Variants in MACROD2 observed in about 807,000 individuals in gnomAD.
MACROD2 encodes ADP-ribose glycohydrolase MACROD2.
In MACROD2, 36 loss-of-function variants were observed where a neutral mutation model predicts 70.4. The observed-to-expected ratio is 0.51, with a 90% confidence interval of 0.39 to 0.68. The LOEUF is 0.68. MACROD2 is among the 30% of genes least tolerant of loss of function. The probability of loss-of-function intolerance (pLI) is 0.00; values close to 1 mark genes in which losing one functional copy is unlikely to be tolerated. For missense variants in MACROD2, 496 were observed against 538.4 expected (o/e 0.92, Z 0.78); for synonymous variants, 172 against 178.8 (o/e 0.96, Z 0.30).
In MACROD2 at chr20:15,927,304, G is replaced by C. The variant is rs73900804; in HGVS notation, c.776-5972G>C. 1.9e-3 allele frequency among the ~76,000 whole-genome samples: 290 copies of C among 152,242 alleles called. 1 individual carries two copies. Among genetic ancestry groups the C allele is most frequent in the African/African-American group, 6.7e-3 (278 of 41,560 alleles). Reference sequence around the variant, plus strand: ...CTTAACAGATAAGGCACTGTGCTGGGTGCCAAGGACACCACAGAAAAAAGA... The same window carrying C: ...CTTAACAGATAAGGCACTGTGCTGGCTGCCAAGGACACCACAGAAAAAAGA... On this transcript the variant is annotated intron_variant, in intron 10 of 17. Coordinates refer to ENST00000684519, the MANE Select transcript of MACROD2 (RefSeq NM_001351661.2).
intron 3 of MACROD2, among the ~76,000 whole-genome samples, chr20:14,144,940 G>A (rs564994949): frequency 6.6e-6 from 1 of 152,148 alleles, no homozygotes; most frequent in African/African-American, 2.4e-5. Context: ...ATCTCAGTTC[G>A]CAGCTCCATT....
At chr20:15,361,789 T>C (rs2078354438) in intron 6 of MACROD2, among the ~76,000 whole-genome samples, 5 of 152,186 alleles carry the variant, frequency 3.3e-5, no homozygotes, top group Admixed American at 3.3e-4. Flanking sequence ...ATTAGGCTTA[T>C]ACTTAATGAT....
At chr20:14,643,090 A>G (rs1415679849) in intron 4 of MACROD2, among the ~76,000 whole-genome samples, 1 of 152,208 alleles carries the variant, frequency 6.6e-6, no homozygotes, top group Non-Finnish European at 1.5e-5. Context: ...GCATAACAAA[A>G]TATCCAAATA....
chr20:15,454,656 A>ACTGCAAAAGATATACTTTGAACTGT (rs1283579454), intron 7 of MACROD2, among the ~76,000 whole-genome samples: 3 of 130,554 alleles, frequency 2.3e-5, no homozygotes, highest in East Asian at 3.6e-4. Flanking sequence ...AGTTTCCAGC[A>ACTGCAAAAGATATACTTTGAACTGT]GTCACGCTGG....
chr20:14,461,039 T>A (rs1362313591), intron 3 of MACROD2, among the ~76,000 whole-genome samples: 1 of 152,066 alleles, frequency 6.6e-6, no homozygotes, highest in Non-Finnish European at 1.5e-5. Flanking sequence ...AATTTGGCTG[T>A]GAATCTGTCT....
At chr20:15,989,384 A>C (rs2066527663) in intron 15 of MACROD2, among the ~76,000 whole-genome samples, 1 of 152,168 alleles carries the variant, frequency 6.6e-6, no homozygotes, top group Non-Finnish European at 1.5e-5. Flanking sequence ...TTTTATTCTA[A>C]AGAGATAAAA....
intron 6 of MACROD2, among the ~76,000 whole-genome samples, chr20:15,320,553 C>T (rs2077863300): frequency 6.6e-6 from 1 of 152,100 alleles, no homozygotes; most frequent in Non-Finnish European, 1.5e-5. Context: ...TCATTTTATC[C>T]ATTTGATAAG....
intron 5 of MACROD2, among the ~76,000 whole-genome samples, chr20:15,069,875 G>A (rs2075605852): frequency 6.6e-6 from 1 of 152,214 alleles, no homozygotes; most frequent in Non-Finnish European, 1.5e-5. Flanking sequence ...TGGGGTTGGA[G>A]CTACCATACA....
chr20:14,064,089 A>G (rs1475238097), intron 2 of MACROD2, among the ~76,000 whole-genome samples: 1 of 152,192 alleles, frequency 6.6e-6, no homozygotes, highest in Non-Finnish European at 1.5e-5. Flanking sequence ...TAGGCATTTC[A>G]GTGCTTCTGT....
rs544694045 is a variant in MACROD2, at chr20:14,468,403, G to A, written c.272-25076G>A. ...ATTTTCTGATCTTTCTTCGTTTAAAGTCTGTTTTATCAGAGACTAGGATTG... is the reference window on the plus strand; with the variant it reads ...ATTTTCTGATCTTTCTTCGTTTAAAATCTGTTTTATCAGAGACTAGGATTG... On this transcript the variant is annotated intron_variant, in intron 3 of 17. Coordinates refer to ENST00000684519, the MANE Select transcript of MACROD2 (RefSeq NM_001351661.2). Among the ~76,000 whole-genome samples the A allele has an allele frequency of 4.1e-5, 6 of 146,744 alleles. No individual in the cohort carries two copies. In the South Asian group the frequency reaches 1.3e-3, roughly 31 times the overall value.
chr20:14,531,090 G>A (rs953874576), intron 4 of MACROD2, among the ~76,000 whole-genome samples: 2 of 152,166 alleles, frequency 1.3e-5, no homozygotes, highest in Admixed American at 6.5e-5. Context: ...TTTGTGGTTT[G>A]GGGACAGGGA....
intron 8 of MACROD2, among the ~76,000 whole-genome samples, chr20:15,583,614 C>A (rs1215755531): frequency 6.6e-6 from 1 of 152,050 alleles, no homozygotes; most frequent in Admixed American, 6.6e-5. Context: ...TGTTTGCATC[C>A]TTCATGCCAT....
chr20:16,004,176 C>T (rs1015835318), intron 15 of MACROD2, among the ~76,000 whole-genome samples: 1 of 152,094 alleles, frequency 6.6e-6, no homozygotes, highest in African/African-American at 2.4e-5. Flanking sequence ...AGGATGAGGA[C>T]CTCTTCCCGA....
chr20:15,864,559 A>T (rs2064466421), intron 9 of MACROD2, among the ~76,000 whole-genome samples: 1 of 152,184 alleles, frequency 6.6e-6, no homozygotes, highest in Non-Finnish European at 1.5e-5. Flanking sequence ...TATTGAAACA[A>T]ATATTTCTAT....
At chr20:15,154,489 C>T (rs146529811) in intron 5 of MACROD2, among the ~76,000 whole-genome samples, 3 of 152,180 alleles carry the variant, frequency 2.0e-5, no homozygotes, top group South Asian at 2.1e-4. Flanking sequence ...TTGGTTAGCT[C>T]GGGCTACTAT....
intron 10 of MACROD2, among the ~76,000 whole-genome samples, chr20:15,901,791 G>A (rs2065068332): frequency 6.6e-6 from 1 of 152,158 alleles, no homozygotes. Flanking sequence ...AGGGGCATGA[G>A]GAAAGAGGTG....
In MACROD2 at chr20:15,772,098, AAAAAT is replaced by A. The variant is rs1272310751; in HGVS notation, c.646-90645_646-90641del. Among the ~76,000 whole-genome samples the A allele has an allele frequency of 1.2e-3, 114 of 95,880 alleles. 1 individual carries two copies. The highest frequency in any genetic ancestry group is 5.3e-3 in the African/African-American group (107 of 20,352). 62.9% of individuals were successfully genotyped at this position (95,880 alleles called of 152,430 possible). A position where few individuals can be genotyped will look rare whatever the true frequency, so the allele number is the denominator to read the frequency against. ...AGACTCGGTCTCAAAAAAAAAAAAA[AAAAAT>A]ATATATATATATATATATATATATA... is the stretch of plus-strand genomic sequence containing the variant. On this transcript the variant is annotated intron_variant, in intron 8 of 17. Transcript: ENST00000684519.
At chr20:14,043,617 C>T (rs2053425465) in intron 2 of MACROD2, among the ~76,000 whole-genome samples, 1 of 152,172 alleles carries the variant, frequency 6.6e-6, no homozygotes, top group Admixed American at 6.5e-5. Flanking sequence ...CCTAGAAAGG[C>T]CGGTTCAGAT....
At chr20:15,268,783 A>G (rs1165965105) in intron 6 of MACROD2, among the ~76,000 whole-genome samples, 1 of 152,162 alleles carries the variant, frequency 6.6e-6, no homozygotes, top group African/African-American at 2.4e-5. Flanking sequence ...GAATAAATAA[A>G]TGAGTTAACT....
Sources: gnomAD v4.1 joint callset for allele counts (sites outside exome capture counted in the v4.1 genomes callset) on GRCh38, gnomAD v4.1.1 for gene constraint, MANE v1.5 for transcripts, NCBI Gene and HGNC (gene_info 2026-07-23, HGNC 2026-07-21) for gene names.